The following OSBPL10 variants were observed in gnomAD, a reference collection of about 807,000 sequenced individuals.
OSBPL10 encodes oxysterol binding protein like 10.
Under a neutral mutation model 81.7 loss-of-function variants are expected in OSBPL10, and 49 were observed. The observed-to-expected ratio is 0.60, with a 90% CI of 0.48 to 0.76. The LOEUF (loss-of-function observed/expected upper bound fraction) is 0.76, where lower values mean the gene tolerates loss of function less well. OSBPL10 is among the 30% of genes least tolerant of loss of function. OSBPL10 has a pLI of 0.00. For synonymous variants in OSBPL10, 419 were observed against 383.6 expected, an observed-to-expected ratio of 1.09 and a Z score of -1.08; for missense variants, 923 against 987.8, an observed-to-expected ratio of 0.93 and a Z score of 0.88.
intron 5 of OSBPL10, 95 bp downstream of exon 5, chr3:31,747,815 T>A (rs1210874744): frequency 7.8e-7 from 1 of 1,279,906 alleles, no homozygotes; most frequent in Non-Finnish European, 1.1e-6. Flanking sequence ...GGATGGATCG[T>A]AGAGAAATGG....
At chr3:31,927,806 G>C (rs897268426) in intron 1 of OSBPL10, among the ~76,000 whole-genome samples, 2 of 152,158 alleles carry the variant, frequency 1.3e-5, no homozygotes, top group African/African-American at 4.8e-5. Flanking sequence ...TGCGTAAAGA[G>C]GCTGAGTGAA....
chr3:31,729,689 G>C (rs986874127), intron 6 of OSBPL10, among the ~76,000 whole-genome samples: 4 of 152,196 alleles, frequency 2.6e-5, no homozygotes, highest in African/African-American at 4.8e-5. Flanking sequence ...AAAGTGCTGG[G>C]ATTACCGGCA....
intron 4 of OSBPL10, among the ~76,000 whole-genome samples, chr3:31,817,826 C>T (rs1407685029): frequency 6.6e-6 from 1 of 152,240 alleles, no homozygotes; most frequent in Non-Finnish European, 1.5e-5. Flanking sequence ...CTCCCTGCTG[C>T]AGCCACTGCC....
chr3:31,675,207 G>A (rs971967392), intron 8 of OSBPL10, among the ~76,000 whole-genome samples: 1 of 152,116 alleles, frequency 6.6e-6, no homozygotes, highest in Non-Finnish European at 1.5e-5. Flanking sequence ...CCTCTTGCAT[G>A]TCTAGCAGGA....
chr3:31,760,342 T>C (rs1697996214), intron 4 of OSBPL10, among the ~76,000 whole-genome samples: 1 of 152,156 alleles, frequency 6.6e-6, no homozygotes, highest in Non-Finnish European at 1.5e-5. Flanking sequence ...GGGTCAATCG[T>C]ACAGTCATCC....
intron 7 of OSBPL10, among the ~76,000 whole-genome samples, chr3:31,699,478 CT>C (rs1695828442): frequency 6.6e-6 from 1 of 152,218 alleles, no homozygotes; most frequent in Admixed American, 6.5e-5. Context: ...TCACCAGTAA[CT>C]TGGGGTTATG....
chr3:31,671,805 AC>A (rs1288213504), intron 8 of OSBPL10, among the ~76,000 whole-genome samples: 2 of 152,086 alleles, frequency 1.3e-5, no homozygotes, highest in African/African-American at 2.4e-5. Flanking sequence ...CCTCAAGACT[AC>A]CCCCAAAATA....
chr3:31,848,218 G>A (rs1245027826), intron 3 of OSBPL10, among the ~76,000 whole-genome samples: 2 of 151,860 alleles, frequency 1.3e-5, no homozygotes, highest in Admixed American at 6.6e-5. Flanking sequence ...AACCCCTTGT[G>A]GTCTTAAGTT....
At chr3:31,681,152 T>C (rs906204620) in intron 8 of OSBPL10, among the ~76,000 whole-genome samples, 8 of 152,202 alleles carry the variant, frequency 5.3e-5, no homozygotes, top group African/African-American at 1.9e-4. Context: ...AATTAATGAA[T>C]GTCTCATTGG....
At chr3:31,824,866 T>A (rs535996167) in intron 4 of OSBPL10, among the ~76,000 whole-genome samples, 1 of 152,314 alleles carries the variant, frequency 6.6e-6, no homozygotes, top group African/African-American at 2.4e-5. Context: ...TCATAGATCT[T>A]AAGCCTTCTT....
At chr3:31,729,392 G>C (rs1181503525) in intron 6 of OSBPL10, among the ~76,000 whole-genome samples, 1 of 152,102 alleles carries the variant, frequency 6.6e-6, no homozygotes. Flanking sequence ...TATTAAAAAG[G>C]CTGGAGGAGC....
At chr3:32,048,391 T>A (rs1003376246) in intron 1 of OSBPL10, among the ~76,000 whole-genome samples, 3 of 150,422 alleles carry the variant, frequency 2.0e-5, no homozygotes, top group Non-Finnish European at 4.4e-5. Flanking sequence ...CACTGCAACA[T>A]CTGCCTTCCT....
At chr3:31,767,815 G>T (rs1258986366) in intron 4 of OSBPL10, among the ~76,000 whole-genome samples, 2 of 152,154 alleles carry the variant, frequency 1.3e-5, no homozygotes, top group Non-Finnish European at 2.9e-5. Context: ...TATCACAATT[G>T]TGTCAGTAGT....
At chr3:31,858,323 A>G (rs1258010556) in intron 3 of OSBPL10, among the ~76,000 whole-genome samples, 3 of 152,030 alleles carry the variant, frequency 2.0e-5, no homozygotes, top group Admixed American at 2.0e-4. Context: ...TAACCTTTTC[A>G]TCAACTTTAA....
intron 4 of OSBPL10, among the ~76,000 whole-genome samples, chr3:31,814,387 G>A (rs746846101): frequency 1.2e-4 from 19 of 152,230 alleles, no homozygotes; most frequent in Non-Finnish European, 2.1e-4. Flanking sequence ...ACCGGAACCT[G>A]AGGACGTGAC....
chr3:31,740,720 T>C (rs1475800451), intron 5 of OSBPL10, among the ~76,000 whole-genome samples: 1 of 151,602 alleles, frequency 6.6e-6, no homozygotes, highest in African/African-American at 2.4e-5. Context: ...TGCACTATGA[T>C]TGTGCCTGTG....
At chr3:31,871,895 T>C (rs1319104624) in intron 3 of OSBPL10, among the ~76,000 whole-genome samples, 2 of 152,182 alleles carry the variant, frequency 1.3e-5, no homozygotes, top group Non-Finnish European at 2.9e-5. Flanking sequence ...CGCACACACA[T>C]GCAAGAAATT....
Position 31,939,143 on chromosome 3 carries a change from C to CTT in OSBPL10, c.281+41755_281+41756insAA, listed in dbSNP as rs1559525545. Among the ~76,000 whole-genome samples the CTT allele has an allele frequency of 2.2e-3, 108 of 49,724 alleles. 11 individuals are homozygous for CTT. Among genetic ancestry groups the CTT allele is most frequent in the African/African-American group, 5.4e-3 (80 of 14,844 alleles). 32.6% of individuals were successfully genotyped at this position (49,724 alleles called of 152,430 possible). ...GTTTAATGTGCCAAGACTCTCTCAT[C>CTT]CTTTTTTTTTTTTTTTTTTGAGACA... On this transcript the variant is annotated intron_variant, in intron 1 of 11. Coordinates refer to ENST00000396556, the MANE Select transcript of OSBPL10 (RefSeq NM_017784.5).
chr3:31,931,175 C>T (rs1423136555), intron 1 of OSBPL10, among the ~76,000 whole-genome samples: 1 of 151,876 alleles, frequency 6.6e-6, no homozygotes, highest in South Asian at 2.1e-4. Context: ...AAGGGGGAAA[C>T]AATTCATGGC....
Sources: allele counts gnomAD v4.1 joint callset (sites outside exome capture counted in the v4.1 genomes callset), GRCh38; gene constraint gnomAD v4.1.1; transcripts MANE v1.5; gene names NCBI Gene and HGNC (gene_info 2026-07-23, HGNC 2026-07-21).